OR2C1: variants seen among roughly 807,000 people sequenced by gnomAD.
The protein encoded by OR2C1 is olfactory receptor 2C1.
For missense variants in OR2C1, 468 were observed against 388.3 expected, an observed-to-expected ratio of 1.21 and a Z score of -1.73; for synonymous variants, 209 against 167.3, an observed-to-expected ratio of 1.25 and a Z score of -1.92.
At chr16:3,345,051 G>A in the OR2C1 span, among the ~76,000 whole-genome samples, 2 of 152,080 alleles carry the variant, frequency 1.3e-5, no homozygotes, top group East Asian at 3.9e-4. Context: ...TAGTGTAATG[G>A]ACAAATAAAA....
the OR2C1 span, among the ~76,000 whole-genome samples, chr16:3,332,263 A>C: frequency 6.6e-6 from 1 of 152,006 alleles, no homozygotes; most frequent in South Asian, 2.1e-4. Flanking sequence ...TAATAAAATA[A>C]AAATTTTTTT....
At chr16:3,333,211 ATTTTTTTTTTTTTTTTTTTTTTTT>A in the OR2C1 span, among the ~76,000 whole-genome samples, 5 of 65,806 alleles carry the variant, frequency 7.6e-5, no homozygotes, top group Non-Finnish European at 1.4e-4. Context: ...TCTTTTGCCC[ATTTTTTTTTTTTTTTTTTTTTTTT>A]TTTTTTTTTT....
the OR2C1 span, among the ~76,000 whole-genome samples, chr16:3,340,691 G>A: frequency 2.6e-5 from 4 of 152,146 alleles, no homozygotes; most frequent in African/African-American, 4.8e-5. Context: ...AGCATTTATT[G>A]AAGAGACTAT....
chr16:3,338,704 A>AT, the OR2C1 span, among the ~76,000 whole-genome samples: 2 of 151,752 alleles, frequency 1.3e-5, no homozygotes, highest in Admixed American at 6.6e-5. Flanking sequence ...CGCCTGGCTA[A>AT]TTTTTTGTAT....
upstream of OR2C1, among the ~76,000 whole-genome samples, chr16:3,351,409 C>T (rs1232019628): frequency 6.6e-6 from 1 of 151,860 alleles, no homozygotes; most frequent in Non-Finnish European, 1.5e-5. Context: ...ATGAAGCACA[C>T]ATTTTTAAAA....
At chr16:3,332,486 A>C in the OR2C1 span, among the ~76,000 whole-genome samples, 1 of 152,040 alleles carries the variant, frequency 6.6e-6, no homozygotes, top group Non-Finnish European at 1.5e-5. Flanking sequence ...TATTTGTACC[A>C]ATTAATCAAC....
chr16:3,349,916 C>G, the OR2C1 span, among the ~76,000 whole-genome samples: 1 of 151,722 alleles, frequency 6.6e-6, no homozygotes, highest in Non-Finnish European at 1.5e-5. Flanking sequence ...AAAAAATTCA[C>G]TGTTTTATGG....
chr16:3,352,122 T>G (rs2030581830), upstream of OR2C1, among the ~76,000 whole-genome samples: 1 of 152,054 alleles, frequency 6.6e-6, no homozygotes, highest in African/African-American at 2.4e-5. Flanking sequence ...AATTTAAATT[T>G]TAATTTTTTT....
chr16:3,332,731 A>ATATATATATG, the OR2C1 span, among the ~76,000 whole-genome samples: 1 of 151,532 alleles, frequency 6.6e-6, no homozygotes, highest in East Asian at 1.9e-4. Flanking sequence ...ATATATATAT[A>ATATATATATG]TGTATGCACA....
chr16:3,345,737 C>T, the OR2C1 span, among the ~76,000 whole-genome samples: 1 of 151,090 alleles, frequency 6.6e-6, no homozygotes, highest in South Asian at 2.1e-4. Context: ...TCTTCCCTTC[C>T]TCTCTTTCTT....
chr16:3,324,787 ATACATATACATACT>A, the OR2C1 span, among the ~76,000 whole-genome samples: 1 of 152,180 alleles, frequency 6.6e-6, no homozygotes, highest in Admixed American at 6.5e-5. Context: ...ATGTACATAC[ATACATATACATACT>A]TACATATACA....
the OR2C1 span, among the ~76,000 whole-genome samples, chr16:3,341,127 A>G: frequency 1.3e-5 from 2 of 152,006 alleles, no homozygotes; most frequent in Non-Finnish European, 2.9e-5. Context: ...TTCTTTCAGC[A>G]GTGTTTTGTA....
the OR2C1 span, among the ~76,000 whole-genome samples, chr16:3,340,912 C>A: frequency 6.7e-6 from 1 of 150,198 alleles, no homozygotes; most frequent in South Asian, 2.1e-4. Context: ...TGTTTTTTTT[C>A]AAGATTCTTT....
Position 3,356,428 on chromosome 16 carries a change from C to T in OR2C1, c.488C>T (p.Thr163Ile). The stretch of plus-strand genomic sequence containing the variant: ...AACTCTGTGATCCAGTCAACATTCA[C>T]TCTGCAGCTCCCATTGTGTGGGCAC... ...LGNSVIQSTFTLQLPLCGHRR... is the reference protein window; with the variant it reads ...LGNSVIQSTFILQLPLCGHRR... The change falls in exon 1 of 1, where the codon ACT becomes ATT. Residue 163 changes from threonine to isoleucine, a missense_variant. Thr to Ile is a moderately conservative substitution (Grantham distance 89). Coordinates refer to ENST00000304936, the MANE Select transcript of OR2C1 (RefSeq NM_012368.3). 1 of 1,613,970 alleles carries T rather than the reference C, an allele frequency of 6.2e-7. No homozygotes were observed.
upstream of OR2C1, among the ~76,000 whole-genome samples, chr16:3,353,214 G>C (rs575980302): frequency 6.6e-6 from 1 of 151,826 alleles, no homozygotes; most frequent in African/African-American, 2.4e-5. Flanking sequence ...TAAGTAGGCC[G>C]GTCGCGGTGG....
At chr16:3,329,748 C>CTTTTTT in the OR2C1 span, among the ~76,000 whole-genome samples, 271 of 62,626 alleles carry the variant, frequency 4.3e-3, 13 homozygotes, top group African/African-American at 4.9e-3. Flanking sequence ...GGCGCCCGGC[C>CTTTTTT]TTTTTTTTTT....
the OR2C1 span, among the ~76,000 whole-genome samples, chr16:3,328,528 G>A: frequency 6.6e-6 from 1 of 152,174 alleles, no homozygotes; most frequent in African/African-American, 2.4e-5. Flanking sequence ...TCAAAACTGT[G>A]AGACAGGAAA....
upstream of OR2C1, among the ~76,000 whole-genome samples, chr16:3,355,112 T>A (rs571852357): frequency 5.9e-5 from 9 of 152,106 alleles, no homozygotes; most frequent in African/African-American, 2.2e-4. Context: ...GACATTCTGA[T>A]GGAATCAACT....
chr16:3,334,042 G>T, the OR2C1 span, among the ~76,000 whole-genome samples: 1 of 151,916 alleles, frequency 6.6e-6, no homozygotes, highest in African/African-American at 2.4e-5. Context: ...GCACAATCTT[G>T]GCTCACTGCA....
Sources: allele counts gnomAD v4.1 joint callset (sites outside exome capture counted in the v4.1 genomes callset), GRCh38; gene constraint gnomAD v4.1.1; transcripts MANE v1.5; gene names NCBI Gene and HGNC (gene_info 2026-07-23, HGNC 2026-07-21).